The following ACER3 variants were observed in gnomAD, a reference collection of about 807,000 sequenced individuals.
ACER3 encodes the protein alkaline ceramidase 3.
Under a neutral mutation model 48.9 loss-of-function variants are expected in ACER3, and 16 were observed. The observed-to-expected ratio is 0.33, with a 90% CI of 0.22 to 0.50. The LOEUF is 0.50. ACER3 is among the 20% of genes least tolerant of loss of function. ACER3 has a pLI of 0.98. For missense variants in ACER3, 227 were observed against 326.0 expected, an observed-to-expected ratio of 0.70 and a Z score of 2.34; for synonymous variants, 109 against 107.8, an observed-to-expected ratio of 1.01 and a Z score of -0.07.
intron 3 of ACER3, among the ~76,000 whole-genome samples, chr11:76,968,621 C>T (rs1039387840): frequency 6.6e-6 from 1 of 152,124 alleles, no homozygotes; most frequent in Non-Finnish European, 1.5e-5. Flanking sequence ...CAGAACAGAG[C>T]CCTCAGAAAT....
At chr11:76,864,944 C>G (rs112071221) in intron 1 of ACER3, among the ~76,000 whole-genome samples, 56 of 137,356 alleles carry the variant, frequency 4.1e-4, no homozygotes, top group African/African-American at 1.4e-3. Flanking sequence ...TTTTTTTAGC[C>G]AGCTACAGCT....
At chr11:76,861,960 G>A (rs1242987746) in intron 1 of ACER3, among the ~76,000 whole-genome samples, 1 of 152,162 alleles carries the variant, frequency 6.6e-6, no homozygotes, top group African/African-American at 2.4e-5. Context: ...GTGTCTGTCT[G>A]TTTTCCTAGA....
chr11:76,910,377 T>C (rs1212708552), intron 1 of ACER3, among the ~76,000 whole-genome samples: 1 of 152,214 alleles, frequency 6.6e-6, no homozygotes, highest in Non-Finnish European at 1.5e-5. Flanking sequence ...GAATCTATTA[T>C]TTTTTCTAAC....
chr11:77,000,425 A>G (rs537260419), intron 7 of ACER3, among the ~76,000 whole-genome samples: 42 of 152,286 alleles, frequency 2.8e-4, no homozygotes, highest in Middle Eastern at 6.8e-3. Context: ...AATTTCAATG[A>G]GGTCAAATTT....
intron 1 of ACER3, among the ~76,000 whole-genome samples, chr11:76,916,405 T>C (rs891344046): frequency 2.0e-5 from 3 of 152,210 alleles, no homozygotes; most frequent in Non-Finnish European, 4.4e-5. Context: ...TGAATGAATA[T>C]AAGGCCACTG....
At chr11:76,914,290 G>C (rs556864067) in intron 1 of ACER3, among the ~76,000 whole-genome samples, 6 of 151,976 alleles carry the variant, frequency 3.9e-5, no homozygotes, top group Non-Finnish European at 5.9e-5. Flanking sequence ...AATTTTTGCA[G>C]TCTACTCATC....
intron 1 of ACER3, among the ~76,000 whole-genome samples, chr11:76,890,321 C>T (rs1200697026): frequency 6.6e-6 from 1 of 152,094 alleles, no homozygotes; most frequent in Non-Finnish European, 1.5e-5. Flanking sequence ...AGTTAGAGAA[C>T]TTTTTGGCTT....
intron 2 of ACER3, among the ~76,000 whole-genome samples, chr11:76,938,485 A>G (rs4945124): frequency 0.57 from 86,709 of 151,248 alleles, 27,974 homozygotes; most frequent in Non-Finnish European, 0.74. Flanking sequence ...CACCCGGCTT[A>G]CTTATTTATT....
At position 77,026,284 on chromosome 11, in the gene ACER3, G is replaced by A. The variant is rs1555025747; in HGVS notation, c.*5957G>A. 1 of 152,116 alleles carries A rather than the reference G, an allele frequency of 6.6e-6. No homozygotes were observed. Among genetic ancestry groups the A allele is most frequent in the Non-Finnish European group, 1.5e-5 (1 of 68,022 alleles). The allele number at this position is 152,116 out of a possible 1,614,324, so 9.4% of individuals were successfully genotyped here. On this transcript the variant is annotated 3_prime_UTR_variant, in exon 11 of 11. Transcript: ENST00000532485. ...TTTTCTTTTTTTTAACTTTCTAAAA[G>A]GAAAAGTTCAAAGTCCTTTCCACAG...
chr11:77,011,352 C>A, intron 7 of ACER3: 1 of 985,440 alleles, frequency 1.0e-6, no homozygotes, highest in Non-Finnish European at 1.2e-6. Flanking sequence ...TTGAACTGCC[C>A]CTGAGAGCTG....
chr11:76,958,905 C>T, intron 2 of ACER3, 74 bp from the exon 3 acceptor site: 1 of 1,500,948 alleles, frequency 6.7e-7, no homozygotes, highest in East Asian at 2.3e-5. Flanking sequence ...TTTGAAATGT[C>T]TTATTGTCTT....
At chr11:76,923,025 AAT>A (rs955274691) in intron 1 of ACER3, among the ~76,000 whole-genome samples, 42 of 152,214 alleles carry the variant, frequency 2.8e-4, no homozygotes, top group African/African-American at 1.0e-3. Flanking sequence ...TTATCAAAGC[AAT>A]ATATAAAAAA....
chr11:77,005,996 T>TATATATATACATATATATA (rs1272310391), intron 7 of ACER3, among the ~76,000 whole-genome samples: 1 of 88,908 alleles, frequency 1.1e-5, no homozygotes, highest in African/African-American at 3.4e-5. Flanking sequence ...TATATATTTT[T>TATATATATACATATATATA]TTTTTTTTTT....
chr11:76,881,799 C>T (rs141020811), intron 1 of ACER3, among the ~76,000 whole-genome samples: 1 of 152,080 alleles, frequency 6.6e-6, no homozygotes, highest in African/African-American at 2.4e-5. Flanking sequence ...ACATTTCCCT[C>T]TGGTATCATT....
intron 9 of ACER3, among the ~76,000 whole-genome samples, chr11:77,018,363 G>T (rs940115432): frequency 6.6e-6 from 1 of 152,164 alleles, no homozygotes; most frequent in African/African-American, 2.4e-5. Flanking sequence ...CCATTCCCCA[G>T]TCTCTTTCCT....
chr11:76,910,674 G>A (rs1171194635), intron 1 of ACER3, among the ~76,000 whole-genome samples: 1 of 152,062 alleles, frequency 6.6e-6, no homozygotes, highest in Non-Finnish European at 1.5e-5. Flanking sequence ...GTAACCCAGA[G>A]AAATGTAAAT....
intron 2 of ACER3, among the ~76,000 whole-genome samples, chr11:76,932,693 C>G (rs1050873031): frequency 3.3e-5 from 5 of 152,148 alleles, no homozygotes; most frequent in African/African-American, 1.2e-4. Flanking sequence ...GAACTACGTG[C>G]AACCCACACT....
At chr11:76,946,387 CTG>C (rs1468018757) in intron 2 of ACER3, among the ~76,000 whole-genome samples, 1 of 152,196 alleles carries the variant, frequency 6.6e-6, no homozygotes, top group Non-Finnish European at 1.5e-5. Context: ...TCACAGCAGT[CTG>C]TAGCAGGGTG....
intron 1 of ACER3, among the ~76,000 whole-genome samples, chr11:76,871,880 T>G (rs1945248874): frequency 6.6e-6 from 1 of 152,172 alleles, no homozygotes; most frequent in Admixed American, 6.5e-5. Flanking sequence ...TATCATGTGA[T>G]GGTATGTTAG....
Sources: allele counts gnomAD v4.1 joint callset (sites outside exome capture counted in the v4.1 genomes callset), GRCh38; gene constraint gnomAD v4.1.1; transcripts MANE v1.5; gene names NCBI Gene and HGNC (gene_info 2026-07-23, HGNC 2026-07-21).